The following NBAS variants were observed in gnomAD, a reference collection of about 807,000 sequenced individuals.
The protein encoded by NBAS is NBAS subunit of NRZ tethering complex, also known as NAG/BC035112 fusion.
In NBAS, 219 loss-of-function variants were observed where a neutral mutation model predicts 302.5. The observed-to-expected ratio is 0.72, with a 90% CI of 0.65 to 0.81. The LOEUF is 0.81. Among genes scored for constraint, NBAS ranks in the 30% least tolerant of loss-of-function variants. NBAS has a pLI of 0.00. For synonymous variants in NBAS, 1,118 were observed against 1,021.6 expected, an observed-to-expected ratio of 1.09 and a Z score of -1.80; for missense variants, 2,932 against 2,841.6, an observed-to-expected ratio of 1.03 and a Z score of -0.72.
At chr2:15,312,458 A>G (rs772071492) in intron 38 of NBAS, among the ~76,000 whole-genome samples, 1 of 151,956 alleles carries the variant, frequency 6.6e-6, no homozygotes, top group African/African-American at 2.4e-5. Context: ...AAATTTTTTT[A>G]TAGAGACGGA....
At chr2:15,340,445 T>C (rs13409223) in intron 35 of NBAS, among the ~76,000 whole-genome samples, 11,959 of 152,046 alleles carry the variant, frequency 0.079, 1,418 homozygotes, top group African/African-American at 0.26. Flanking sequence ...TGGCAAGATG[T>C]GGTAGGTGGG....
At chr2:15,193,897 GAC>G (rs1389418997) in intron 48 of NBAS, among the ~76,000 whole-genome samples, 1 of 151,980 alleles carries the variant, frequency 6.6e-6, no homozygotes, top group Non-Finnish European at 1.5e-5. Context: ...TCATAAAAGA[GAC>G]AGTGAAGGGA....
At chr2:15,445,431 C>G (rs1464175766) in intron 21 of NBAS, among the ~76,000 whole-genome samples, 1 of 147,812 alleles carries the variant, frequency 6.8e-6, no homozygotes, top group Non-Finnish European at 1.5e-5. Flanking sequence ...CGCATATTCT[C>G]ACTCATAGGT....
At chr2:15,123,805 T>C in the NBAS span, among the ~76,000 whole-genome samples, 3 of 152,224 alleles carry the variant, frequency 2.0e-5, no homozygotes, top group African/African-American at 7.2e-5. Flanking sequence ...CCTTTATTTA[T>C]AAATTATCTA....
the NBAS span, among the ~76,000 whole-genome samples, chr2:14,829,677 T>C: frequency 1.3e-5 from 2 of 152,144 alleles, no homozygotes; most frequent in Non-Finnish European, 2.9e-5. Context: ...TCATAGAAAC[T>C]GGTATTTTAC....
At chr2:14,909,050 T>C in the NBAS span, among the ~76,000 whole-genome samples, 1 of 152,080 alleles carries the variant, frequency 6.6e-6, no homozygotes, top group African/African-American at 2.4e-5. Flanking sequence ...AGAGAACCAC[T>C]GGCCGGGCGC....
At chr2:14,805,282 TA>T in the NBAS span, among the ~76,000 whole-genome samples, 1 of 152,042 alleles carries the variant, frequency 6.6e-6, no homozygotes, top group African/African-American at 2.4e-5. Context: ...TTAAATAAGT[TA>T]AATAGTGTCG....
chr2:15,445,561 C>T (rs182602441), intron 21 of NBAS, among the ~76,000 whole-genome samples: 2 of 150,306 alleles, frequency 1.3e-5, no homozygotes, highest in Admixed American at 1.3e-4. Context: ...TGCTAGATGA[C>T]GAGTTGGTGG....
At chr2:14,985,779 TC>T in the NBAS span, among the ~76,000 whole-genome samples, 10 of 152,330 alleles carry the variant, frequency 6.6e-5, no homozygotes, top group South Asian at 1.9e-3. Flanking sequence ...AATTTCTGAA[TC>T]CTTTATACTT....
intron 19 of NBAS, among the ~76,000 whole-genome samples, chr2:15,464,424 C>T (rs184456382): frequency 6.6e-6 from 1 of 152,112 alleles, no homozygotes; most frequent in African/African-American, 2.4e-5. Context: ...CCAGTTACAG[C>T]AGAAAGAAAC....
intron 44 of NBAS, among the ~76,000 whole-genome samples, chr2:15,259,973 C>CAGT (rs1217820825): frequency 6.6e-6 from 1 of 152,042 alleles, no homozygotes; most frequent in Non-Finnish European, 1.5e-5. Flanking sequence ...ACAAAAGACA[C>CAGT]AGTAGAAATG....
intron 25 of NBAS, among the ~76,000 whole-genome samples, chr2:15,415,207 T>C (rs1426331148): frequency 6.6e-6 from 1 of 152,224 alleles, no homozygotes; most frequent in Non-Finnish European, 1.5e-5. Flanking sequence ...TAAAAGTATC[T>C]ATGCCATAGG....
the NBAS span, among the ~76,000 whole-genome samples, chr2:14,803,742 T>C: frequency 6.6e-6 from 1 of 152,086 alleles, no homozygotes; most frequent in African/African-American, 2.4e-5. Flanking sequence ...CCCTACCTCC[T>C]GGGTTCAAGC....
chr2:14,928,427 T>A, the NBAS span, among the ~76,000 whole-genome samples: 2 of 152,228 alleles, frequency 1.3e-5, no homozygotes, highest in South Asian at 2.1e-4. Context: ...CAAGTTTACA[T>A]CACACTTGGG....
intron 28 of NBAS, among the ~76,000 whole-genome samples, chr2:15,389,169 G>A (rs1216417989): frequency 1.3e-5 from 2 of 152,178 alleles, no homozygotes; most frequent in African/African-American, 2.4e-5. Context: ...TGATAGCCAC[G>A]AGAGGGTAGA....
At chr2:14,880,934 C>CA in the NBAS span, among the ~76,000 whole-genome samples, 77,164 of 140,568 alleles carry the variant, frequency 0.55, 22,116 homozygotes, top group African/African-American at 0.78. Flanking sequence ...TCCAGGATAG[C>CA]AAAAAAAAAA....
the NBAS span, among the ~76,000 whole-genome samples, chr2:15,160,597 G>C: frequency 7.5e-6 from 1 of 132,770 alleles, no homozygotes; most frequent in Non-Finnish European, 1.6e-5. Context: ...GGGGGAGGGG[G>C]GGGGGCAGGA....
At chr2:15,332,933 C>A (rs1470544037) in intron 35 of NBAS, among the ~76,000 whole-genome samples, 1 of 152,220 alleles carries the variant, frequency 6.6e-6, no homozygotes, top group African/African-American at 2.4e-5. Context: ...TTTTCTCTCT[C>A]AGTTTACATA....
At chr2:15,049,849 C>G in the NBAS span, among the ~76,000 whole-genome samples, 52,798 of 152,038 alleles carry the variant, frequency 0.35, 10,140 homozygotes, top group East Asian at 0.56. Context: ...GGCCGGGAAG[C>G]CAGGCAAGAG....
Sources: allele counts gnomAD v4.1 joint callset (sites outside exome capture counted in the v4.1 genomes callset), GRCh38; gene constraint gnomAD v4.1.1; transcripts MANE v1.5; gene names NCBI Gene and HGNC (gene_info 2026-07-23, HGNC 2026-07-21).